Variants in SEPTIN9 observed in about 807,000 individuals in gnomAD.
SEPTIN9 encodes the protein septin-9.
In SEPTIN9, 13 loss-of-function variants were observed where a neutral mutation model predicts 56.6. That is an observed-to-expected ratio of 0.23 (90% confidence interval 0.15 to 0.37). SEPTIN9 has a LOEUF of 0.37. Among genes scored for constraint, SEPTIN9 ranks in the 10% least tolerant of loss-of-function variants. The pLI is 1.00. For missense variants in SEPTIN9, 650 were observed against 823.1 expected (o/e 0.79, Z 2.57); for synonymous variants, 332 against 334.1 (o/e 0.99, Z 0.07).
chr17:77,322,336 G>A (rs992618677), intron 2 of SEPTIN9, among the ~76,000 whole-genome samples: 2 of 152,230 alleles, frequency 1.3e-5, no homozygotes, highest in Non-Finnish European at 2.9e-5. Context: ...CCTTGGCTGA[G>A]GACAGCACAG....
intron 2 of SEPTIN9, chr17:77,373,069 C>T (rs1179735503): frequency 1.2e-5 from 6 of 497,136 alleles, no homozygotes; most frequent in Middle Eastern, 9.2e-4. Flanking sequence ...GCGGGGCGCC[C>T]GGGGGGAGGG....
intron 10 of SEPTIN9, chr17:77,493,316 A>G (rs1232967354): frequency 3.7e-6 from 2 of 542,384 alleles, no homozygotes; most frequent in Admixed American, 3.1e-5. Flanking sequence ...TCAGGGAGAC[A>G]GGAGCTGGGA....
In SEPTIN9 at chr17:77,310,277, C is replaced by T. The variant is rs528749173; in HGVS notation, c.76+3080C>T. On this transcript the variant is annotated intron_variant, in intron 2 of 11. Coordinates refer to ENST00000427177, the MANE Select transcript of SEPTIN9 (RefSeq NM_001113491.2). The surrounding 1 kb of genome is among the most constrained non-coding windows in gnomAD (Gnocchi z 4.7). The stretch of plus-strand genomic sequence containing the variant: ...GATTATAGGTGTGAGCCACCGCATC[C>T]GGCCTGGTCTCCTCTTGCATACGGT... Among the ~76,000 whole-genome samples, 14 of 152,284 alleles carry T rather than the reference C, an allele frequency of 9.2e-5. No individual in the cohort carries two copies. The highest frequency in any genetic ancestry group is 1.4e-4 in the African/African-American group (6 of 41,560).
intron 1 of SEPTIN9, among the ~76,000 whole-genome samples, chr17:77,303,160 G>A (rs556125827): frequency 6.6e-6 from 1 of 152,012 alleles, no homozygotes; most frequent in African/African-American, 2.4e-5. Flanking sequence ...GAGTGCAATG[G>A]TGTGATCTCG....
chr17:77,432,600 C>T lies in SEPTIN9; in HGVS notation c.721+29897C>T, dbSNP rs560031319. 5.9e-5 allele frequency among the ~76,000 whole-genome samples: 9 copies of T among 152,262 alleles called. No homozygotes were observed. The South Asian group carries it at 8.3e-4, about 14-fold the overall frequency. On this transcript the variant is annotated intron_variant, in intron 3 of 11. Coordinates refer to ENST00000427177, the MANE Select transcript of SEPTIN9 (RefSeq NM_001113491.2). ...CAGGCCAGCTTAACCCTTCCGTGCT[C>T]GTTTTCTGAGCTGTTAGAGGAAGAG... is the stretch of plus-strand genomic sequence containing the variant.
intron 2 of SEPTIN9, among the ~76,000 whole-genome samples, chr17:77,331,578 TC>T (rs1310869541): frequency 1.8e-4 from 27 of 152,174 alleles, no homozygotes; most frequent in Admixed American, 1.8e-3. Context: ...AGAAAGCCTT[TC>T]CTCCAGCAGG....
intron 3 of SEPTIN9, chr17:77,481,842 AG>A: frequency 4.5e-6 from 2 of 443,724 alleles, no homozygotes; most frequent in East Asian, 4.1e-5. Context: ...CTTGGAGCGC[AG>A]GGGGCCCCCA....
chr17:77,386,116 C>T (rs2035328704), intron 2 of SEPTIN9, among the ~76,000 whole-genome samples: 2 of 152,212 alleles, frequency 1.3e-5, no homozygotes, highest in Admixed American at 1.3e-4. Context: ...AGTCCCTCAG[C>T]TGTGGGCTTC....
At chr17:77,484,643 A>T (rs1386230069) in intron 4 of SEPTIN9, among the ~76,000 whole-genome samples, 2 of 123,294 alleles carry the variant, frequency 1.6e-5, no homozygotes, top group East Asian at 3.0e-4. Context: ...GGTGATTGTG[A>T]TGGGGGTGGT....
chr17:77,492,171 C>T lies in SEPTIN9; in HGVS notation c.1381-450C>T, dbSNP rs1159888161. On this transcript the variant is annotated intron_variant, in intron 8 of 11. Coordinates refer to ENST00000427177, the MANE Select transcript of SEPTIN9 (RefSeq NM_001113491.2). The surrounding 1 kb of genome is among the most constrained non-coding windows in gnomAD (Gnocchi z 5.4). ...TGTGGTCTGTGCCTGGGCAGGCGAG[C>T]AGCCGCTCACTGGGATGTTTCTGTT... Among the ~76,000 whole-genome samples the T allele has an allele frequency of 1.3e-5, 2 of 152,166 alleles. No homozygotes were observed. Among genetic ancestry groups the T allele is most frequent in the African/African-American group, 4.8e-5 (2 of 41,442 alleles).
intron 2 of SEPTIN9, among the ~76,000 whole-genome samples, chr17:77,325,117 G>T (rs4789444): frequency 6.6e-6 from 1 of 151,820 alleles, no homozygotes; most frequent in Non-Finnish European, 1.5e-5. Flanking sequence ...CCGCACCCAG[G>T]CTGATATGCA....
At chr17:77,356,289 C>T (rs1188708173) in intron 2 of SEPTIN9, among the ~76,000 whole-genome samples, 1 of 152,158 alleles carries the variant, frequency 6.6e-6, no homozygotes, top group Non-Finnish European at 1.5e-5. Flanking sequence ...CCTCCAGCCC[C>T]ATCTCCCTGC....
At chr17:77,431,225 CTTGAGTTA>C (rs934630923) in intron 3 of SEPTIN9, among the ~76,000 whole-genome samples, 5 of 152,010 alleles carry the variant, frequency 3.3e-5, no homozygotes, top group African/African-American at 1.2e-4. Context: ...AGGAGGATTG[CTTGAGTTA>C]GGAGTTTGAG....
At chr17:77,439,499 A>C (rs9899979) in intron 3 of SEPTIN9, among the ~76,000 whole-genome samples, 11,203 of 152,200 alleles carry the variant, frequency 0.074, 1,199 homozygotes, top group African/African-American at 0.24. Flanking sequence ...GTCCTAGAGA[A>C]CTTGGCTGGT....
intron 1 of SEPTIN9, among the ~76,000 whole-genome samples, chr17:77,295,935 C>G (rs1313369337): frequency 6.6e-6 from 1 of 152,140 alleles, no homozygotes; most frequent in Non-Finnish European, 1.5e-5. Flanking sequence ...CCTTGAATTC[C>G]TGCGTTGAAG....
At chr17:77,488,675 C>CT in intron 6 of SEPTIN9, 52 bp from the exon 7 acceptor site, 14 of 1,610,936 alleles carry the variant, frequency 8.7e-6, no homozygotes, top group Non-Finnish European at 1.1e-5. Flanking sequence ...GCACGACCTG[C>CT]TTGGGGAGGG....
At chr17:77,474,303 TG>T (rs1310830262) in intron 3 of SEPTIN9, among the ~76,000 whole-genome samples, 1 of 152,232 alleles carries the variant, frequency 6.6e-6, no homozygotes, top group African/African-American at 2.4e-5. Flanking sequence ...ATCTGTGTCC[TG>T]GGAGAGCCAT....
At chr17:77,410,013 C>T (rs1357987187) in intron 3 of SEPTIN9, among the ~76,000 whole-genome samples, 1 of 152,176 alleles carries the variant, frequency 6.6e-6, no homozygotes, top group African/African-American at 2.4e-5. Flanking sequence ...TTGGACTCCA[C>T]TTCCTCTCCG....
intron 3 of SEPTIN9, among the ~76,000 whole-genome samples, chr17:77,481,735 C>T (rs1486714051): frequency 3.3e-5 from 5 of 152,142 alleles, no homozygotes; most frequent in Non-Finnish European, 1.5e-5. Context: ...CCTGGGTGGC[C>T]CGAGGCAGTG....
Sources: gnomAD v4.1 joint callset for allele counts (sites outside exome capture counted in the v4.1 genomes callset) on GRCh38, gnomAD v4.1.1 for gene constraint, Gnocchi (gnomAD v3.1) non-coding constraint, MANE v1.5 for transcripts, NCBI Gene and HGNC (gene_info 2026-07-23, HGNC 2026-07-21) for gene names.